The following PCDH9 variants were observed in gnomAD, a reference collection of about 807,000 sequenced individuals.
PCDH9 encodes the protein protocadherin 9.
In PCDH9, 24 loss-of-function variants were observed where a neutral mutation model predicts 70.6. That is an observed-to-expected ratio of 0.34 (90% CI 0.25 to 0.48). The LOEUF is 0.48. Ranked by LOEUF, PCDH9 falls within the 20% of genes least tolerant of loss-of-function variation. The pLI, the probability that PCDH9 is intolerant of heterozygous loss-of-function variation, is 0.99. For missense variants in PCDH9, 1,281 were observed against 1,503.6 expected (o/e 0.85, Z 2.45); for synonymous variants, 562 against 558.5 (o/e 1.01, Z -0.09).
chr13:66,394,413 A>G lies in PCDH9; in HGVS notation c.3341-89385T>C, dbSNP rs552488142. Among the ~76,000 whole-genome samples the G allele has an allele frequency of 1.2e-4, 18 of 152,292 alleles. No homozygotes were observed. The East Asian group carries it at 3.5e-3, about 29-fold the overall frequency. The stretch of plus-strand genomic sequence containing the variant: ...TCTGTTTGCTTAGGAGTGGAAAAGA[A>G]AAGAAAATCGGACTAAAATATTGGG... On this transcript the variant is annotated intron_variant, in intron 4 of 4. Transcript: ENST00000377865.
intron 2 of PCDH9, among the ~76,000 whole-genome samples, chr13:66,954,032 C>T (rs116220021): frequency 0.017 from 2,649 of 152,250 alleles, 32 homozygotes; most frequent in African/African-American, 0.026. Context: ...ATTTATCCAG[C>T]GCAAAATACC....
At chr13:66,888,096 A>T (rs1475107083) in intron 3 of PCDH9, among the ~76,000 whole-genome samples, 1 of 152,184 alleles carries the variant, frequency 6.6e-6, no homozygotes, top group East Asian at 1.9e-4. Context: ...AATTAATTTT[A>T]CTCACTTGCA....
At position 66,445,586 on chromosome 13, in the gene PCDH9, CATATATATTATATACACAT is replaced by C. The variant is rs1426320271; in HGVS notation, c.3341-140577_3341-140559del. Among the ~76,000 whole-genome samples, 11 of 138,622 alleles carry C rather than the reference CATATATATTATATACACAT, an allele frequency of 7.9e-5. 1 individual carries two copies. Among genetic ancestry groups the C allele is most frequent in the Non-Finnish European group, 1.5e-4 (10 of 65,068 alleles). The allele number at this position is 138,622 out of a possible 152,430, so 90.9% of individuals were successfully genotyped here. ...TATACGTGTATATATTATATATACACATATATATTATATACACATATATATTATATATACACATATATAT... is the reference window on the plus strand; with the variant it reads ...TATACGTGTATATATTATATATACACATATATTATATATACACATATATAT... On this transcript the variant is annotated intron_variant, in intron 4 of 4. Transcript: ENST00000377865.
rs1221788541 is a variant in PCDH9, at chr13:66,448,534, T to TA, written c.3341-143507dup. Among the ~76,000 whole-genome samples the TA allele has an allele frequency of 2.6e-5, 4 of 152,308 alleles. No individual in the cohort carries two copies. The East Asian group carries it at 7.7e-4, about 29-fold the overall frequency. On this transcript the variant is annotated intron_variant, in intron 4 of 4. Transcript: ENST00000377865. Reference sequence around the variant, plus strand: ...GAGTTATGAGGACAGGTCAAAATCTTAGTGTAAACGGAAATGTTTGAAATT... The same window carrying TA: ...GAGTTATGAGGACAGGTCAAAATCTTAAGTGTAAACGGAAATGTTTGAAATT...
Position 66,351,218 on chromosome 13 carries a change from G to C in PCDH9, c.3341-46190C>G, listed in dbSNP as rs141083804. Among the ~76,000 whole-genome samples, 618 of 152,108 alleles carry C rather than the reference G, an allele frequency of 4.1e-3. 5 individuals carry two copies. Among genetic ancestry groups the C allele is most frequent in the Non-Finnish European group, 6.5e-3 (445 of 67,996 alleles). ...AAAATTATCCTTCCAAGTTTTGGCAGATGAGCCCAGCCTGGCTAGGTGTAT... is the reference window on the plus strand; with the variant it reads ...AAAATTATCCTTCCAAGTTTTGGCACATGAGCCCAGCCTGGCTAGGTGTAT... On this transcript the variant is annotated intron_variant, in intron 4 of 4. Transcript: ENST00000377865.
At chr13:66,609,873 C>T (rs2077269152) in intron 4 of PCDH9, among the ~76,000 whole-genome samples, 1 of 151,680 alleles carries the variant, frequency 6.6e-6, no homozygotes, top group African/African-American at 2.4e-5. Flanking sequence ...AGCTTATCAA[C>T]TCAAATTTGA....
At chr13:66,769,478 C>T (rs933919620) in intron 3 of PCDH9, among the ~76,000 whole-genome samples, 3 of 148,688 alleles carry the variant, frequency 2.0e-5, no homozygotes, top group Admixed American at 1.3e-4. Context: ...GTAGTAGCAA[C>T]ATGGTTTTTT....
At chr13:67,122,324 A>G (rs963500940) in intron 2 of PCDH9, among the ~76,000 whole-genome samples, 1 of 152,156 alleles carries the variant, frequency 6.6e-6, no homozygotes, top group African/African-American at 2.4e-5. Flanking sequence ...TAGTTTTTAA[A>G]TACCAAATAA....
At chr13:67,182,642 G>A (rs1464318111) in intron 2 of PCDH9, among the ~76,000 whole-genome samples, 3 of 152,078 alleles carry the variant, frequency 2.0e-5, no homozygotes, top group African/African-American at 7.2e-5. Flanking sequence ...AATCTTTACT[G>A]ATTAAATCAA....
chr13:66,366,348 G>T (rs140307948), intron 4 of PCDH9, among the ~76,000 whole-genome samples: 1 of 151,950 alleles, frequency 6.6e-6, no homozygotes, highest in East Asian at 1.9e-4. Context: ...ATTTCCATAA[G>T]TAATTTTTTT....
intron 2 of PCDH9, among the ~76,000 whole-genome samples, chr13:67,152,801 C>A (rs543815680): frequency 1.3e-5 from 2 of 152,232 alleles, no homozygotes; most frequent in South Asian, 4.1e-4. Flanking sequence ...AAAAATCACA[C>A]TGAAGGAGTA....
intron 3 of PCDH9, among the ~76,000 whole-genome samples, chr13:66,681,950 C>CATATATATATATATATATATATAT (rs56280836): frequency 0.011 from 1,430 of 129,946 alleles, 28 homozygotes; most frequent in African/African-American, 0.025. Context: ...TATATACAAA[C>CATATATATATATATATATATATAT]ATATATATAT....
At chr13:67,222,397 A>G (rs1463624474) in intron 2 of PCDH9, 1 of 152,002 alleles carries the variant, frequency 6.6e-6, no homozygotes, top group East Asian at 1.9e-4. Context: ...TATAAAATAG[A>G]GTGAATGAGG....
intron 4 of PCDH9, among the ~76,000 whole-genome samples, chr13:66,612,815 C>T (rs952633780): frequency 2.6e-5 from 4 of 151,960 alleles, no homozygotes; most frequent in African/African-American, 9.7e-5. Flanking sequence ...TGTTGAGAGT[C>T]CATGTTTCTG....
At chr13:66,352,015 T>C (rs1956300599) in intron 4 of PCDH9, among the ~76,000 whole-genome samples, 1 of 152,090 alleles carries the variant, frequency 6.6e-6, no homozygotes, top group Non-Finnish European at 1.5e-5. Context: ...TTTGTACTTT[T>C]AGTAGAGGCA....
intron 4 of PCDH9, among the ~76,000 whole-genome samples, chr13:66,307,710 G>A (rs1054762540): frequency 6.6e-6 from 1 of 151,890 alleles, no homozygotes; most frequent in African/African-American, 2.4e-5. Context: ...CATTACATCA[G>A]GTTTTTATTG....
chr13:66,743,830 T>A (rs151308472), intron 3 of PCDH9, among the ~76,000 whole-genome samples: 1 of 152,222 alleles, frequency 6.6e-6, no homozygotes, highest in African/African-American at 2.4e-5. Context: ...TATAAATTTT[T>A]AAAAACTTCT....
chr13:66,603,466 T>C (rs893638731), intron 4 of PCDH9, among the ~76,000 whole-genome samples: 3 of 152,032 alleles, frequency 2.0e-5, no homozygotes, highest in Non-Finnish European at 4.4e-5. Context: ...TATAGTGATA[T>C]TTAGTCTTTG....
chr13:66,547,881 T>G (rs1184942714), intron 4 of PCDH9, among the ~76,000 whole-genome samples: 2 of 142,496 alleles, frequency 1.4e-5, no homozygotes, highest in African/African-American at 5.0e-5. Context: ...TATAATAATA[T>G]GATATTTAAT....
Sources: allele counts gnomAD v4.1 joint callset (sites outside exome capture counted in the v4.1 genomes callset), GRCh38; gene constraint gnomAD v4.1.1; transcripts MANE v1.5; gene names NCBI Gene and HGNC (gene_info 2026-07-23, HGNC 2026-07-21).